LYPD6B: variants seen among roughly 807,000 people sequenced by gnomAD.
The protein encoded by LYPD6B is ly6/PLAUR domain-containing protein 6B.
Under a neutral mutation model 22.8 loss-of-function variants are expected in LYPD6B, and 17 were observed. The ratio of observed to expected loss-of-function variants is 0.75; its 90% CI spans 0.51 to 1.12. LYPD6B has a LOEUF of 1.12. Ranked by LOEUF, LYPD6B falls within the 50% of genes most tolerant of loss-of-function variation. LYPD6B has a pLI of 0.00. For missense variants in LYPD6B, 221 were observed against 258.3 expected, an observed-to-expected ratio of 0.86 and a Z score of 0.99; for synonymous variants, 106 against 91.6, an observed-to-expected ratio of 1.16 and a Z score of -0.90.
intron 2 of LYPD6B, among the ~76,000 whole-genome samples, chr2:149,134,171 G>A (rs557879469): frequency 2.0e-5 from 3 of 152,270 alleles, no homozygotes; most frequent in Admixed American, 1.3e-4. Context: ...TTGAGCTGGA[G>A]AAGGATCAGG....
chr2:149,195,193 A>G (rs953820837), intron 3 of LYPD6B, among the ~76,000 whole-genome samples: 1 of 152,198 alleles, frequency 6.6e-6, no homozygotes, highest in South Asian at 2.1e-4. Context: ...CCCATCTCCA[A>G]ACATAGACTG....
chr2:149,107,302 G>A (rs1313998818), intron 1 of LYPD6B, among the ~76,000 whole-genome samples: 1 of 152,152 alleles, frequency 6.6e-6, no homozygotes, highest in African/African-American at 2.4e-5. Flanking sequence ...GTGGGACAAA[G>A]CGATGTTTTA....
At chr2:149,118,884 ATGTT>A (rs1431342588) in intron 1 of LYPD6B, among the ~76,000 whole-genome samples, 1 of 152,174 alleles carries the variant, frequency 6.6e-6, no homozygotes, top group African/African-American at 2.4e-5. Flanking sequence ...CACAAACACA[ATGTT>A]TGGGCATCAG....
At chr2:149,191,265 A>T (rs1371615187) in intron 3 of LYPD6B, among the ~76,000 whole-genome samples, 1 of 152,208 alleles carries the variant, frequency 6.6e-6, no homozygotes, top group African/African-American at 2.4e-5. Context: ...AACAATTAAG[A>T]TAACAACAAT....
At chr2:149,193,802 A>C (rs1692640222) in intron 3 of LYPD6B, among the ~76,000 whole-genome samples, 1 of 152,188 alleles carries the variant, frequency 6.6e-6, no homozygotes, top group Non-Finnish European at 1.5e-5. Flanking sequence ...ATCATCACAC[A>C]AATAGAGGAA....
chr2:149,070,350 T>C (rs187229118), intron 1 of LYPD6B, among the ~76,000 whole-genome samples: 127 of 152,328 alleles, frequency 8.3e-4, no homozygotes, highest in South Asian at 1.9e-3. Context: ...TACAAGTTTA[T>C]TCCTTCTGCT....
intron 3 of LYPD6B, among the ~76,000 whole-genome samples, chr2:149,182,995 A>AT (rs58950344): frequency 1.3e-5 from 2 of 151,972 alleles, no homozygotes; most frequent in South Asian, 2.1e-4. Context: ...GAAATATACC[A>AT]TTTTTTTTAG....
intron 3 of LYPD6B, among the ~76,000 whole-genome samples, chr2:149,194,279 G>A (rs373498583): frequency 5.3e-5 from 8 of 152,004 alleles, no homozygotes; most frequent in South Asian, 2.1e-4. Context: ...CTCTTTATTC[G>A]TTGCAACATT....
intron 4 of LYPD6B, 56 bp from the exon 5 acceptor site, chr2:149,208,258 G>A (rs1268149606): frequency 7.6e-7 from 1 of 1,312,210 alleles, no homozygotes; most frequent in Admixed American, 1.7e-5. Context: ...CATGTTTGAT[G>A]TTCGAAATTT....
At chr2:149,168,822 T>G (rs1323055725) in intron 3 of LYPD6B, among the ~76,000 whole-genome samples, 1 of 152,180 alleles carries the variant, frequency 6.6e-6, no homozygotes, top group Non-Finnish European at 1.5e-5. Flanking sequence ...AGGTATTCTT[T>G]GATCAAGTGT....
At chr2:149,201,592 CAT>C (rs1559074751) in intron 3 of LYPD6B, among the ~76,000 whole-genome samples, 1 of 152,136 alleles carries the variant, frequency 6.6e-6, no homozygotes, top group Non-Finnish European at 1.5e-5. Flanking sequence ...TTAACACAAA[CAT>C]ACACACTGAA....
intron 1 of LYPD6B, among the ~76,000 whole-genome samples, chr2:149,040,746 G>A (rs1248570699): frequency 6.6e-6 from 1 of 152,178 alleles, no homozygotes; most frequent in Non-Finnish European, 1.5e-5. Context: ...GCTCACCAGC[G>A]CCTAAAGGTA....
intron 1 of LYPD6B, among the ~76,000 whole-genome samples, chr2:149,082,120 C>G (rs1412916807): frequency 1.3e-5 from 2 of 152,208 alleles, no homozygotes; most frequent in Non-Finnish European, 2.9e-5. Flanking sequence ...TTCCCCACCC[C>G]ACTTTATTCT....
At chr2:149,073,866 G>A (rs1367787636) in intron 1 of LYPD6B, among the ~76,000 whole-genome samples, 2 of 151,906 alleles carry the variant, frequency 1.3e-5, no homozygotes, top group Non-Finnish European at 2.9e-5. Flanking sequence ...GAGAGGGAGA[G>A]GACAGCAACC....
chr2:149,054,259 T>G (rs1683690613), intron 1 of LYPD6B, among the ~76,000 whole-genome samples: 1 of 152,236 alleles, frequency 6.6e-6, no homozygotes, highest in Non-Finnish European at 1.5e-5. Flanking sequence ...TGCTGATGAT[T>G]TTTTTGTCAA....
At chr2:149,174,300 T>A (rs369562231) in intron 3 of LYPD6B, among the ~76,000 whole-genome samples, 24 of 152,314 alleles carry the variant, frequency 1.6e-4, no homozygotes, top group African/African-American at 5.3e-4. Flanking sequence ...TGATGGTGTT[T>A]TCTAGAAAAA....
At chr2:149,074,290 G>A (rs199796541) in intron 1 of LYPD6B, among the ~76,000 whole-genome samples, 1 of 148,504 alleles carries the variant, frequency 6.7e-6, no homozygotes, top group African/African-American at 2.5e-5. Context: ...ACACACACAC[G>A]CACATGTGCT....
intron 2 of LYPD6B, among the ~76,000 whole-genome samples, chr2:149,159,267 A>T (rs531387125): frequency 6.6e-6 from 1 of 152,302 alleles, no homozygotes; most frequent in Admixed American, 6.5e-5. Context: ...AAATTTCTCA[A>T]TGACACAAAG....
At chr2:149,208,225 T>C in intron 4 of LYPD6B, 89 bp from the exon 5 acceptor site, 1 of 821,098 alleles carries the variant, frequency 1.2e-6, no homozygotes, top group African/African-American at 1.7e-5. Context: ...TTGTTTCATC[T>C]GTTAAAGTTG....
Sources: gnomAD v4.1 joint callset for allele counts (sites outside exome capture counted in the v4.1 genomes callset) on GRCh38, gnomAD v4.1.1 for gene constraint, MANE v1.5 for transcripts, NCBI Gene and HGNC (gene_info 2026-07-23, HGNC 2026-07-21) for gene names.